CNIH3: variants seen among roughly 807,000 people sequenced by gnomAD.
The protein encoded by CNIH3 is protein cornichon homolog 3.
CNIH3 carries 14 observed loss-of-function variants against 24.1 expected under a neutral mutation model. The ratio of observed to expected loss-of-function variants is 0.58; its 90% CI spans 0.38 to 0.91. CNIH3 has a LOEUF of 0.91. CNIH3 is among the 40% of genes least tolerant of loss of function. The pLI is 0.00. For missense variants in CNIH3, 178 were observed against 196.8 expected (o/e 0.90, Z 0.57); for synonymous variants, 68 against 73.8 (o/e 0.92, Z 0.40).
intron 1 of CNIH3, among the ~76,000 whole-genome samples, chr1:224,618,109 G>C (rs1004073090): frequency 6.6e-6 from 1 of 152,202 alleles, no homozygotes; most frequent in Non-Finnish European, 1.5e-5. Flanking sequence ...TTCTGAATAG[G>C]GGAAGAGAAG....
chr1:224,655,024 A>C (rs950905536), intron 1 of CNIH3, among the ~76,000 whole-genome samples: 6 of 152,142 alleles, frequency 3.9e-5, no homozygotes, highest in African/African-American at 1.5e-4. Context: ...AAGTTTAATG[A>C]AGGGACTATT....
At chr1:224,509,563 C>T (rs1678056078) in intron 1 of CNIH3, among the ~76,000 whole-genome samples, 1 of 152,142 alleles carries the variant, frequency 6.6e-6, no homozygotes, top group Non-Finnish European at 1.5e-5. Context: ...CTGTCCTGTC[C>T]TCTGGACTCT....
chr1:224,459,609 A>G (rs992472223), intron 1 of CNIH3, among the ~76,000 whole-genome samples: 2 of 151,972 alleles, frequency 1.3e-5, no homozygotes, highest in Admixed American at 6.6e-5. Flanking sequence ...AGTCTTTCCC[A>G]GGGTGGGGGT....
chr1:224,697,044 C>T (rs1687212517), intron 3 of CNIH3, among the ~76,000 whole-genome samples: 1 of 152,198 alleles, frequency 6.6e-6, no homozygotes, highest in Admixed American at 6.5e-5. Flanking sequence ...GTTTAGTCAA[C>T]ACGAGACTGG....
upstream of CNIH3, among the ~76,000 whole-genome samples, chr1:224,511,680 TC>T (rs1443171921): frequency 2.0e-5 from 3 of 150,906 alleles, no homozygotes; most frequent in Non-Finnish European, 4.4e-5. Context: ...ATAGCGAGAC[TC>T]CTTGCCTATA....
intron 3 of CNIH3, among the ~76,000 whole-genome samples, chr1:224,602,187 G>A (rs770353269): frequency 6.6e-6 from 1 of 152,136 alleles, no homozygotes; most frequent in Non-Finnish European, 1.5e-5. Context: ...AACATCTTAA[G>A]TAAGTTGCTT....
intron 2 of CNIH3, among the ~76,000 whole-genome samples, chr1:224,683,508 A>G (rs1022340034): frequency 2.0e-5 from 3 of 152,186 alleles, no homozygotes; most frequent in Non-Finnish European, 4.4e-5. Context: ...AAGCTACTTC[A>G]CTGATTGGTG....
intron 3 of CNIH3, among the ~76,000 whole-genome samples, chr1:224,601,950 T>C (rs946455645): frequency 6.6e-6 from 1 of 152,250 alleles, no homozygotes; most frequent in African/African-American, 2.4e-5. Flanking sequence ...CTGTGTAGCA[T>C]ACAAGCACCA....
At chr1:224,643,788 A>G (rs1684474354) in intron 1 of CNIH3, among the ~76,000 whole-genome samples, 1 of 152,192 alleles carries the variant, frequency 6.6e-6, no homozygotes, top group East Asian at 1.9e-4. Context: ...TCTACCCAGG[A>G]AGAGGAGGGG....
intron 1 of CNIH3, among the ~76,000 whole-genome samples, chr1:224,450,383 G>A (rs764302263): frequency 2.6e-5 from 4 of 152,166 alleles, no homozygotes; most frequent in Admixed American, 6.5e-5. Context: ...GACATAGTGC[G>A]TGGGAAGACC....
chr1:224,622,850 G>A (rs1320453155), intron 1 of CNIH3, among the ~76,000 whole-genome samples: 1 of 152,202 alleles, frequency 6.6e-6, no homozygotes, highest in Non-Finnish European at 1.5e-5. Flanking sequence ...ATGGCTCTGC[G>A]CTTTGCCCTC....
At chr1:224,634,346 G>A (rs907859481) in intron 1 of CNIH3, among the ~76,000 whole-genome samples, 1 of 152,160 alleles carries the variant, frequency 6.6e-6, no homozygotes, top group Non-Finnish European at 1.5e-5. Flanking sequence ...TGAGGTGGGT[G>A]GATCATGAGG....
intron 1 of CNIH3, among the ~76,000 whole-genome samples, chr1:224,662,265 A>G (rs1685399429): frequency 6.6e-6 from 1 of 152,226 alleles, no homozygotes; most frequent in African/African-American, 2.4e-5. Flanking sequence ...TTAGCAGTCT[A>G]GATTACGTAT....
chr1:224,586,194 C>T (rs986112879), intron 5 of CNIH3, among the ~76,000 whole-genome samples: 2 of 152,130 alleles, frequency 1.3e-5, no homozygotes, highest in African/African-American at 4.8e-5. Context: ...AACTTTAGGG[C>T]TATGTATTAG....
intron 1 of CNIH3, among the ~76,000 whole-genome samples, chr1:224,479,715 C>T (rs1164512118): frequency 6.6e-6 from 1 of 152,222 alleles, no homozygotes; most frequent in Non-Finnish European, 1.5e-5. Flanking sequence ...AAATGATCTC[C>T]TTTAACTCCA....
At position 224,510,283 on chromosome 1, in the gene CNIH3, C is replaced by G. The variant is rs114490945; in HGVS notation, n.204-5458C>G. 2.9e-3 allele frequency among the ~76,000 whole-genome samples: 442 copies of G among 152,194 alleles called. 2 individuals are homozygous for G. The highest frequency in any genetic ancestry group is 0.01 in the African/African-American group (425 of 41,508). On this transcript the variant is annotated intron_variant and non_coding_transcript_variant, in intron 1 of 5. Transcript: ENST00000471578. ...TTGCCCCATTCCCCATGCAAAGGAG[C>G]TTAAACTTCATCCTCAGCTGATGGG...
At chr1:224,506,285 G>GCACACA (rs61334962) in intron 1 of CNIH3, among the ~76,000 whole-genome samples, 230 of 143,718 alleles carry the variant, frequency 1.6e-3, no homozygotes, top group African/African-American at 3.6e-3. Flanking sequence ...GCGCGCGCGC[G>GCACACA]CGCACACACA....
intron 1 of CNIH3, among the ~76,000 whole-genome samples, chr1:224,440,642 ATT>A (rs916134013): frequency 6.6e-6 from 1 of 152,206 alleles, no homozygotes; most frequent in Non-Finnish European, 1.5e-5. Context: ...AATATGATGC[ATT>A]TTGATAAATA....
In CNIH3 at chr1:224,715,966, A is replaced by T. The variant is rs191069733; in HGVS notation, c.199-14496A>T. Among the ~76,000 whole-genome samples, 354 of 152,274 alleles carry T rather than the reference A, an allele frequency of 2.3e-3. 2 individuals are homozygous for T. Among genetic ancestry groups the T allele is most frequent in the African/African-American group, 8.1e-3 (335 of 41,554 alleles). On this transcript the variant is annotated intron_variant, in intron 3 of 5. Coordinates refer to ENST00000272133, the MANE Select transcript of CNIH3 (RefSeq NM_152495.2). ...TGCTGAGTTCTTTTCTTTCACCCCT[A>T]AAAATATTTCTCCTCCCAATGCTGC...
Sources: allele counts gnomAD v4.1 joint callset (sites outside exome capture counted in the v4.1 genomes callset), GRCh38; gene constraint gnomAD v4.1.1; transcripts MANE v1.5; gene names NCBI Gene and HGNC (gene_info 2026-07-23, HGNC 2026-07-21).